Variants in ANKIB1 observed in about 807,000 individuals in gnomAD.
ANKIB1 encodes ankyrin repeat and IBR domain-containing protein 1.
In ANKIB1, 43 loss-of-function variants were observed where a neutral mutation model predicts 122.1. The observed-to-expected ratio is 0.35, with a 90% CI of 0.28 to 0.45. The LOEUF (loss-of-function observed/expected upper bound fraction) is 0.45. Among genes scored for constraint, ANKIB1 ranks in the 20% least tolerant of loss-of-function variants. ANKIB1 has a pLI of 1.00. For missense variants in ANKIB1, 992 were observed against 1,329.5 expected (o/e 0.75, Z 3.95); for synonymous variants, 390 against 442.0 (o/e 0.88, Z 1.48).
At chr7:92,322,825 G>A (rs1281445757) in intron 4 of ANKIB1, among the ~76,000 whole-genome samples, 1 of 152,072 alleles carries the variant, frequency 6.6e-6, no homozygotes, top group Admixed American at 6.5e-5. Context: ...ATCCAATTGT[G>A]CCATTATTGT....
At position 92,303,772 on chromosome 7, in the gene ANKIB1, A is replaced by T. The variant is rs1458083674; in HGVS notation, c.189-3587A>T. ...AGAACAAAAATTAGGGACAATGATGAATAAGTTAGCTCTTAGGAAATTCCT... is the reference window on the plus strand; with the variant it reads ...AGAACAAAAATTAGGGACAATGATGTATAAGTTAGCTCTTAGGAAATTCCT... On this transcript the variant is annotated intron_variant, in intron 2 of 19. Coordinates refer to ENST00000265742, the MANE Select transcript of ANKIB1 (RefSeq NM_019004.2). Among the ~76,000 whole-genome samples, 4 of 152,196 alleles carry T rather than the reference A, an allele frequency of 2.6e-5. No homozygotes were observed. The South Asian group carries it at 8.3e-4, about 31-fold the overall frequency.
chr7:92,358,438 G>C (rs777222446), intron 9 of ANKIB1, among the ~76,000 whole-genome samples: 1 of 152,072 alleles, frequency 6.6e-6, no homozygotes, highest in Non-Finnish European at 1.5e-5. Context: ...GTGTCCTCCT[G>C]TGAGGTTCTG....
intron 1 of ANKIB1, among the ~76,000 whole-genome samples, chr7:92,274,503 A>T (rs1801859328): frequency 6.6e-6 from 1 of 152,076 alleles, no homozygotes; most frequent in Admixed American, 6.6e-5. Context: ...ATGCATAAGG[A>T]TGTTTGCCAT....
In ANKIB1 at chr7:92,265,376, G is replaced by A. The variant is rs188649134; in HGVS notation, c.-91+18857G>A. Among the ~76,000 whole-genome samples, 243 of 152,150 alleles carry A rather than the reference G, an allele frequency of 1.6e-3. 2 individuals are homozygous for A. The highest frequency in any genetic ancestry group is 5.5e-3 in the African/African-American group (229 of 41,494). The stretch of plus-strand genomic sequence containing the variant: ...GAATATTTTAGGCTGAAGGTAGTGC[G>A]TATGCAGAAGCCCTAAGGGTTAAAA... On this transcript the variant is annotated intron_variant, in intron 1 of 19. Coordinates refer to ENST00000265742, the MANE Select transcript of ANKIB1 (RefSeq NM_019004.2).
intron 1 of ANKIB1, among the ~76,000 whole-genome samples, chr7:92,272,582 C>T (rs1801820313): frequency 6.6e-6 from 1 of 152,092 alleles, no homozygotes; most frequent in African/African-American, 2.4e-5. Flanking sequence ...GACAGTTGTA[C>T]AGCAGGCCCA....
In ANKIB1 at chr7:92,381,746, A is replaced by C. The variant is rs570065078; in HGVS notation, c.1618-4763A>C. 2.6e-5 allele frequency among the ~76,000 whole-genome samples: 4 copies of C among 152,348 alleles called. No individual in the cohort carries two copies. In the East Asian group the frequency reaches 7.7e-4, roughly 29 times the overall value. On this transcript the variant is annotated intron_variant, in intron 11 of 19. Coordinates refer to ENST00000265742, the MANE Select transcript of ANKIB1 (RefSeq NM_019004.2). ...TATAAGAGCTCCTAAAGGAAGTACT[A>C]AACATGGAAAGGAACAACTGGTACC... is the stretch of plus-strand genomic sequence containing the variant.
In ANKIB1 at chr7:92,399,054, A is replaced by G; in HGVS notation, c.*105A>G. The G allele has an allele frequency of 7.6e-7, 1 of 1,309,894 alleles. No individual in the cohort carries two copies. The highest frequency in any genetic ancestry group is 1.0e-6 in the Non-Finnish European group (1 of 990,126). 81.1% of individuals were successfully genotyped at this position (1,309,894 alleles called of 1,614,324 possible). A position where few individuals can be genotyped will look rare whatever the true frequency, so the allele number is the denominator to read the frequency against. On this transcript the variant is annotated 3_prime_UTR_variant, in exon 20 of 20. Coordinates refer to ENST00000265742, the MANE Select transcript of ANKIB1 (RefSeq NM_019004.2). Reference sequence around the variant, plus strand: ...TCACTTAATTCCAACTCAGTGATAAACCACTGACATTAGGGTTGAATACAG... The same window carrying G: ...TCACTTAATTCCAACTCAGTGATAAGCCACTGACATTAGGGTTGAATACAG...
In ANKIB1 at chr7:92,390,022, T is replaced by A; in HGVS notation, c.1958T>A (p.Leu653His). The change falls in exon 15 of 20, where the codon CTC becomes CAC. Residue 653 changes from leucine to histidine, a missense_variant. By Grantham distance (99) the Leu-to-His change is moderately conservative (BLOSUM62 -3). Transcript: ENST00000265742. ...TTFIEDAVHV[L>H]LKTRRILKCS... ...TTCATTGAAGATGCAGTTCATGTGC[T>A]CTTAAAAACTCGGCGCATTCTCAAG... 6.2e-7 allele frequency: 1 copy of A among 1,607,530 alleles called. No homozygotes were observed. The highest frequency in any genetic ancestry group is 8.5e-7 in the Non-Finnish European group (1 of 1,177,860).
chr7:92,357,600 T>G (rs1487866304), intron 9 of ANKIB1, among the ~76,000 whole-genome samples: 2 of 151,732 alleles, frequency 1.3e-5, no homozygotes, highest in African/African-American at 4.8e-5. Flanking sequence ...CTGGGCATGG[T>G]GGTGCATACC....
At chr7:92,293,357 T>C (rs188987219) in intron 1 of ANKIB1, among the ~76,000 whole-genome samples, 3 of 152,316 alleles carry the variant, frequency 2.0e-5, no homozygotes, top group Admixed American at 2.0e-4. Context: ...GTTGTTGTTA[T>C]TGTTGTTGTT....
At chr7:92,396,171 T>C (rs1019323722) in intron 17 of ANKIB1, 194 bp from the exon 18 acceptor site, 2 of 566,906 alleles carry the variant, frequency 3.5e-6, no homozygotes, top group Non-Finnish European at 6.2e-6. Context: ...GTAATGACTG[T>C]TGAAAACTTT....
At chr7:92,266,451 G>A (rs1195250431) in intron 1 of ANKIB1, among the ~76,000 whole-genome samples, 1 of 152,178 alleles carries the variant, frequency 6.6e-6, no homozygotes, top group Non-Finnish European at 1.5e-5. Flanking sequence ...ACCCAAGGAA[G>A]GAACAAATCT....
At chr7:92,293,880 C>T (rs886986446) in intron 1 of ANKIB1, among the ~76,000 whole-genome samples, 72 of 151,954 alleles carry the variant, frequency 4.7e-4, no homozygotes, top group African/African-American at 1.6e-3. Flanking sequence ...CCAGAAACAA[C>T]GTTTATTGGA....
chr7:92,369,678 A>G (rs1358427301), intron 10 of ANKIB1, among the ~76,000 whole-genome samples: 2 of 152,192 alleles, frequency 1.3e-5, no homozygotes, highest in African/African-American at 4.8e-5. Flanking sequence ...CCCTTCTGAA[A>G]GTGACTGCAT....
chr7:92,319,322 T>G lies in ANKIB1; in HGVS notation c.487-8T>G, dbSNP rs763921990. 2 of 1,550,450 alleles carry G rather than the reference T, an allele frequency of 1.3e-6. No individual in the cohort carries two copies. The highest frequency in any genetic ancestry group is 4.3e-5 in the Admixed American group (2 of 46,200). On this transcript the variant is annotated splice_polypyrimidine_tract_variant and splice_region_variant and intron_variant, in intron 3 of 19. Coordinates refer to ENST00000265742, the MANE Select transcript of ANKIB1 (RefSeq NM_019004.2). ...TAGTTGCAAGTTTTTGAAAAAAAAC[T>G]TTTTTAGCTTTTAGTAAAACATGGA...
intron 7 of ANKIB1, among the ~76,000 whole-genome samples, chr7:92,347,162 G>A (rs928832024): frequency 2.4e-4 from 36 of 152,332 alleles, no homozygotes; most frequent in African/African-American, 7.9e-4. Context: ...TATTAGTACA[G>A]CTAGATGCTT....
intron 4 of ANKIB1, among the ~76,000 whole-genome samples, chr7:92,326,427 A>C (rs1315150136): frequency 6.6e-6 from 1 of 152,200 alleles, no homozygotes; most frequent in East Asian, 1.9e-4. Context: ...AACGTAAATG[A>C]AGTCGAATGA....
intron 10 of ANKIB1, among the ~76,000 whole-genome samples, chr7:92,365,066 T>A (rs1804041640): frequency 6.6e-6 from 1 of 152,246 alleles, no homozygotes; most frequent in African/African-American, 2.4e-5. Flanking sequence ...AAATTGTTAA[T>A]TTTAAATGTT....
At position 92,399,906 on chromosome 7, in the gene ANKIB1, A is replaced by G. The variant is rs1804981732; in HGVS notation, c.*957A>G. 6.6e-6 allele frequency: 1 copy of G among 152,218 alleles called. No homozygotes were observed. The highest frequency in any genetic ancestry group is 1.5e-5 in the Non-Finnish European group (1 of 68,040). 9.4% of individuals were successfully genotyped at this position (152,218 alleles called of 1,614,324 possible). ...ATTCTAATTACTGATGGGTGCAATT[A>G]CTTTTAATCGTGTTTTATAAAATAG... On this transcript the variant is annotated 3_prime_UTR_variant, in exon 20 of 20. Transcript: ENST00000265742.
Sources: allele counts gnomAD v4.1 joint callset (sites outside exome capture counted in the v4.1 genomes callset), GRCh38; gene constraint gnomAD v4.1.1; transcripts MANE v1.5; gene names NCBI Gene and HGNC (gene_info 2026-07-23, HGNC 2026-07-21).